Variants in IL6 observed in about 807,000 individuals in gnomAD.
IL6 encodes interleukin-6.
In IL6, 5 loss-of-function variants were observed where a neutral mutation model predicts 18.0. That is an observed-to-expected ratio of 0.28 (90% CI 0.15 to 0.58). IL6 has a LOEUF of 0.58. Among genes scored for constraint, IL6 ranks in the 20% least tolerant of loss-of-function variants. IL6 has a pLI of 0.90. For synonymous variants in IL6, 97 were observed against 95.1 expected, an observed-to-expected ratio of 1.02 and a Z score of -0.12; for missense variants, 266 against 251.0, an observed-to-expected ratio of 1.06 and a Z score of -0.40.
intron 3 of IL6, among the ~76,000 whole-genome samples, chr7:22,729,056 G>C (rs1157715660): frequency 2.6e-5 from 4 of 152,210 alleles, no homozygotes; most frequent in African/African-American, 9.7e-5. Context: ...AACTCCCACA[G>C]GTTTAATTAG....
intron 2 of IL6, 199 bp from the exon 3 acceptor site, chr7:22,728,494 A>G (rs371381633): frequency 1.8e-6 from 1 of 565,226 alleles, no homozygotes; most frequent in Non-Finnish European, 3.2e-6. Context: ...TAAGTAACAC[A>G]CCTAAAGTCA....
intron 3 of IL6, among the ~76,000 whole-genome samples, chr7:22,729,032 T>C (rs974794044): frequency 2.6e-5 from 4 of 152,224 alleles, no homozygotes; most frequent in African/African-American, 9.6e-5. Flanking sequence ...TTTTAACAAC[T>C]GTCAAATGTT....
In IL6 at chr7:22,731,523, A is replaced by G; in HGVS notation, c.589A>G (p.Ser197Gly). ...CATGACAACTCATCTCATTCTGCGCAGCTTTAAGGAGTTCCTGCAGTCCAG... is the reference window on the plus strand; with the variant it reads ...CATGACAACTCATCTCATTCTGCGCGGCTTTAAGGAGTTCCTGCAGTCCAG... ...QDMTTHLILR[S>G]FKEFLQSSLR... is the part of the protein sequence containing the mutation. Residue 197 changes from serine (S) to glycine (G), a missense_variant, in exon 5 of 5, where the codon AGC becomes GGC. Ser to Gly is a moderately conservative substitution (Grantham distance 56). Transcript: ENST00000258743. 6.2e-7 allele frequency: 1 copy of G among 1,609,044 alleles called. No homozygotes were observed. Among genetic ancestry groups the G allele is most frequent in the South Asian group, 1.1e-5 (1 of 90,484 alleles).
rs55773150 is a variant in IL6 at position 22,731,785 on chromosome 7, T to G, written c.*212T>G. Reference sequence around the variant, plus strand: ...TATTTATATTTTTAAGAAGTACCACTTGAAACATTTTATGTATTAGTTTTG... The same window carrying G: ...TATTTATATTTTTAAGAAGTACCACGTGAAACATTTTATGTATTAGTTTTG... On this transcript the variant is annotated 3_prime_UTR_variant, in exon 5 of 5. Transcript: ENST00000258743. 213 of 273,002 alleles carry G rather than the reference T, an allele frequency of 7.8e-4. No homozygotes were observed. The highest frequency in any genetic ancestry group is 2.1e-3 in the Middle Eastern group (2 of 954). The allele number at this position is 273,002 out of a possible 1,614,324, so 16.9% of individuals were successfully genotyped here.
At chr7:22,729,782 T>C in intron 4 of IL6, 122 bp downstream of exon 4, 1 of 1,563,202 alleles carries the variant, frequency 6.4e-7, no homozygotes, top group Non-Finnish European at 8.7e-7. Flanking sequence ...AACAAAAGAG[T>C]CTGAGAAATA....
intron 4 of IL6, 73 bp downstream of exon 4, chr7:22,729,733 G>C (rs753017017): frequency 1.2e-6 from 2 of 1,610,288 alleles, no homozygotes; most frequent in South Asian, 2.2e-5. Context: ...GGACAACTCA[G>C]GGATGCAATG....
At position 22,727,427 on chromosome 7, in the gene IL6, G is replaced by T. The variant is rs370286060; in HGVS notation, c.20-17G>T. ...GTGCTGTCAGCTCACCCCTGCGCTCGCTCCCCTCCGGCACAGGCGCCTTCG... is the reference window on the plus strand; with the variant it reads ...GTGCTGTCAGCTCACCCCTGCGCTCTCTCCCCTCCGGCACAGGCGCCTTCG... On this transcript the variant is annotated splice_polypyrimidine_tract_variant and intron_variant, in intron 1 of 4. Coordinates refer to ENST00000258743, the MANE Select transcript of IL6 (RefSeq NM_000600.5). The T allele has an allele frequency of 1.2e-6, 2 of 1,613,602 alleles. No homozygotes were observed. The highest frequency in any genetic ancestry group is 1.1e-5 in the South Asian group (1 of 91,058).
chr7:22,728,030 A>G (rs180846675), intron 2 of IL6, among the ~76,000 whole-genome samples: 4 of 152,306 alleles, frequency 2.6e-5, no homozygotes, highest in African/African-American at 7.2e-5. Flanking sequence ...CTTTTTGGTT[A>G]TGTAAACTCA....
intron 4 of IL6, 156 bp downstream of exon 4, chr7:22,729,816 C>CT (rs747711886): frequency 3.9e-6 from 6 of 1,525,794 alleles, no homozygotes; most frequent in Non-Finnish European, 5.3e-6. Context: ...ATTGTTAAAT[C>CT]TTTTTTTGTT....
At chr7:22,729,467 T>C in intron 3 of IL6, 47 bp from the exon 4 acceptor site, 1 of 1,575,874 alleles carries the variant, frequency 6.3e-7, no homozygotes, top group Non-Finnish European at 8.7e-7. Flanking sequence ...TTCAAATTGA[T>C]TCTATCTCCT....
intron 4 of IL6, chr7:22,730,115 G>T (rs1792872719): frequency 2.0e-6 from 2 of 985,264 alleles, no homozygotes; most frequent in Non-Finnish European, 2.4e-6. Flanking sequence ...TTAGTTCAGA[G>T]AAATGGTCAG....
At chr7:22,727,746 A>C in intron 2 of IL6, 112 bp downstream of exon 2, 1 of 1,260,754 alleles carries the variant, frequency 7.9e-7, no homozygotes, top group Non-Finnish European at 1.1e-6. Context: ...GTTCTAGAGC[A>C]CTGTAGATTT....
chr7:22,728,672 A>G (rs1333875334), intron 2 of IL6, 21 bp from the exon 3 acceptor site: 5 of 1,401,546 alleles, frequency 3.6e-6, no homozygotes, highest in Non-Finnish European at 5.1e-6. Flanking sequence ...AGGTGATAAC[A>G]ATTCTGGTAT....
At position 22,728,796 on chromosome 7, in the gene IL6, G is replaced by A; in HGVS notation, c.314G>A (p.Gly105Glu). ...MAEKDGCFQSGFNEETCLVKI... is the reference protein window; with the variant it reads ...MAEKDGCFQSEFNEETCLVKI... ...GAAAAAGATGGATGCTTCCAATCTG[G>A]ATTCAATGAGGTACCAACTTGTCGC... The change falls in exon 3 of 5, where the codon GGA (glycine) becomes GAA (glutamate). Residue 105 changes from glycine to glutamate, a missense_variant. By Grantham distance (98) the Gly-to-Glu change is moderately conservative. Transcript: ENST00000258743. 5 of 1,601,716 alleles carry A rather than the reference G, an allele frequency of 3.1e-6. No individual in the cohort carries two copies. The highest frequency in any genetic ancestry group is 4.3e-6 in the Non-Finnish European group (5 of 1,168,658).
Position 22,731,666 on chromosome 7 carries a change from G to C in IL6, c.*93G>C. On this transcript the variant is annotated 3_prime_UTR_variant, in exon 5 of 5. Transcript: ENST00000258743. ...CACAGAACTTATGTTGTTCTCTATG[G>C]AGAACTAAAAGTATGAGCGTTAGGA... The C allele has an allele frequency of 1.2e-6, 1 of 845,126 alleles. No homozygotes were observed. The highest frequency in any genetic ancestry group is 4.4e-5 in the South Asian group (1 of 22,948). 52.4% of individuals were successfully genotyped at this position (845,126 alleles called of 1,614,324 possible). A position where few individuals can be genotyped will look rare whatever the true frequency, so the allele number is the denominator to read the frequency against.
chr7:22,729,907 C>G, intron 4 of IL6: 1 of 1,401,284 alleles, frequency 7.1e-7, no homozygotes, highest in South Asian at 1.7e-5. Flanking sequence ...TGGATTTTAA[C>G]ATCAATTTTT....
intron 3 of IL6, among the ~76,000 whole-genome samples, chr7:22,729,109 G>A (rs1210747246): frequency 6.6e-6 from 1 of 152,294 alleles, no homozygotes; most frequent in Non-Finnish European, 1.5e-5. Context: ...TCCCTCTCTG[G>A]CTGCCCCTGG....
At chr7:22,730,879 A>G (rs1009674475) in intron 4 of IL6, among the ~76,000 whole-genome samples, 9 of 151,978 alleles carry the variant, frequency 5.9e-5, no homozygotes, top group African/African-American at 2.2e-4. Flanking sequence ...AACAAAAATG[A>G]TAGTGGTGCT....
rs1224571713 is a variant in IL6, at chr7:22,727,398, A to G, written c.20-46A>G. ...CGGCCAGCAGCAGAGGCAGGCTCCC[A>G]GCTGTGCTGTCAGCTCACCCCTGCG... On this transcript the variant is annotated intron_variant, in intron 1 of 4. Transcript: ENST00000258743. 3.1e-6 allele frequency: 5 copies of G among 1,613,232 alleles called. 1 individual carries two copies. The South Asian group carries it at 5.5e-5, about 18-fold the overall frequency.
Sources: gnomAD v4.1 joint callset for allele counts (sites outside exome capture counted in the v4.1 genomes callset) on GRCh38, gnomAD v4.1.1 for gene constraint, MANE v1.5 for transcripts, NCBI Gene and HGNC (gene_info 2026-07-23, HGNC 2026-07-21) for gene names.